The following ZNF385B variants were observed in gnomAD, a reference collection of about 807,000 sequenced individuals.
ZNF385B encodes the protein zinc finger protein 533.
In ZNF385B, 23 loss-of-function variants were observed where a neutral mutation model predicts 39.2. That is an observed-to-expected ratio of 0.59 (90% CI 0.42 to 0.83). The LOEUF is 0.83. Among genes scored for constraint, ZNF385B ranks in the 40% least tolerant of loss-of-function variants. The pLI is 0.00. For synonymous variants in ZNF385B, 205 were observed against 222.6 expected, an observed-to-expected ratio of 0.92 and a Z score of 0.70; for missense variants, 552 against 598.9, an observed-to-expected ratio of 0.92 and a Z score of 0.82.
chr2:179,832,412 T>C (rs1011737550), intron 1 of ZNF385B, among the ~76,000 whole-genome samples: 1 of 152,120 alleles, frequency 6.6e-6, no homozygotes, highest in Non-Finnish European at 1.5e-5. Flanking sequence ...ACTTCCAGGG[T>C]CAGTATTTGC....
intron 3 of ZNF385B, among the ~76,000 whole-genome samples, chr2:179,751,972 C>T (rs895115014): frequency 3.3e-5 from 5 of 152,168 alleles, no homozygotes; most frequent in Non-Finnish European, 7.3e-5. Context: ...TTCTAGGGCA[C>T]ATGTGCACAA....
At chr2:179,809,405 G>A (rs192808421) in intron 1 of ZNF385B, among the ~76,000 whole-genome samples, 17 of 152,042 alleles carry the variant, frequency 1.1e-4, no homozygotes, top group Admixed American at 2.0e-4. Flanking sequence ...TCATATTCAC[G>A]TGCAAACATA....
At chr2:179,613,410 G>A (rs928037317) in intron 3 of ZNF385B, among the ~76,000 whole-genome samples, 9 of 152,140 alleles carry the variant, frequency 5.9e-5, no homozygotes, top group Admixed American at 6.6e-5. Context: ...CAAGGCCCAC[G>A]GCAAGTACTA....
At chr2:179,631,815 A>G (rs905120087) in intron 3 of ZNF385B, among the ~76,000 whole-genome samples, 6 of 152,160 alleles carry the variant, frequency 3.9e-5, no homozygotes, top group African/African-American at 1.4e-4. Context: ...AAATAAAGGG[A>G]TGGAGGAAGA....
At chr2:179,798,135 T>A (rs1208970627) in intron 1 of ZNF385B, among the ~76,000 whole-genome samples, 5 of 152,092 alleles carry the variant, frequency 3.3e-5, no homozygotes, top group Admixed American at 6.6e-5. Flanking sequence ...TGTGTTTCGA[T>A]CTATTACTGA....
intron 3 of ZNF385B, among the ~76,000 whole-genome samples, chr2:179,751,334 G>A (rs568705301): frequency 6.6e-6 from 1 of 152,094 alleles, no homozygotes; most frequent in Non-Finnish European, 1.5e-5. Flanking sequence ...GAATATTGAT[G>A]TGGGCAAGGG....
At chr2:179,806,532 A>G (rs1366624562) in intron 1 of ZNF385B, among the ~76,000 whole-genome samples, 1 of 152,152 alleles carries the variant, frequency 6.6e-6, no homozygotes, top group Non-Finnish European at 1.5e-5. Context: ...TAACCTTTCA[A>G]TAACGTAACC....
At chr2:179,820,073 G>A (rs1012987447) in intron 1 of ZNF385B, among the ~76,000 whole-genome samples, 1 of 151,884 alleles carries the variant, frequency 6.6e-6, no homozygotes, top group Non-Finnish European at 1.5e-5. Context: ...GTGTGTATAT[G>A]TGTGTGTGTA....
At chr2:179,676,275 AG>A (rs1559074900) in intron 3 of ZNF385B, among the ~76,000 whole-genome samples, 1 of 151,620 alleles carries the variant, frequency 6.6e-6, no homozygotes, top group Admixed American at 6.6e-5. Context: ...TTTTTAGTAG[AG>A]ATGGGGTTTC....
intron 3 of ZNF385B, among the ~76,000 whole-genome samples, chr2:179,548,510 A>G (rs2105918635): frequency 6.7e-6 from 1 of 149,790 alleles, no homozygotes; most frequent in South Asian, 2.1e-4. Flanking sequence ...TATTTTTAGC[A>G]TATTAACAGA....
At chr2:179,613,965 G>A (rs1194713463) in intron 3 of ZNF385B, among the ~76,000 whole-genome samples, 1 of 152,028 alleles carries the variant, frequency 6.6e-6, no homozygotes, top group Non-Finnish European at 1.5e-5. Flanking sequence ...GCTGAGTTCT[G>A]CCTGGTGTTG....
intron 3 of ZNF385B, among the ~76,000 whole-genome samples, chr2:179,626,972 A>G: frequency 6.6e-6 from 1 of 152,182 alleles, no homozygotes; most frequent in East Asian, 1.9e-4. Flanking sequence ...AAGATTAGGA[A>G]AGTTATAATC....
chr2:179,731,876 C>G (rs768053215), intron 3 of ZNF385B, among the ~76,000 whole-genome samples: 1 of 152,202 alleles, frequency 6.6e-6, no homozygotes, highest in Non-Finnish European at 1.5e-5. Flanking sequence ...GCACACCAGG[C>G]CCTCTGCAAC....
chr2:179,816,919 A>C (rs963495695), intron 1 of ZNF385B, among the ~76,000 whole-genome samples: 3 of 152,154 alleles, frequency 2.0e-5, no homozygotes, highest in African/African-American at 7.2e-5. Flanking sequence ...CATTAGTAAC[A>C]AAATCCCAGA....
intron 3 of ZNF385B, among the ~76,000 whole-genome samples, chr2:179,694,515 C>A (rs1055527734): frequency 1.3e-5 from 2 of 152,066 alleles, no homozygotes; most frequent in African/African-American, 4.8e-5. Context: ...TTAATAGACA[C>A]CCTACTGAGC....
chr2:179,728,081 T>G (rs1204356781), intron 3 of ZNF385B, among the ~76,000 whole-genome samples: 1 of 152,092 alleles, frequency 6.6e-6, no homozygotes, highest in African/African-American at 2.4e-5. Flanking sequence ...TGCCTTTTTG[T>G]CAGATTTGAC....
chr2:179,535,597 A>G (rs1438883300), intron 4 of ZNF385B, among the ~76,000 whole-genome samples: 2 of 152,230 alleles, frequency 1.3e-5, no homozygotes, highest in Admixed American at 6.5e-5. Context: ...TAAAAGAATC[A>G]ATGTAAAACG....
At chr2:179,506,990 G>A (rs748761801) in intron 5 of ZNF385B, among the ~76,000 whole-genome samples, 17 of 151,908 alleles carry the variant, frequency 1.1e-4, no homozygotes, top group Non-Finnish European at 1.6e-4. Flanking sequence ...TATATTCTCC[G>A]GGGTCCTTGT....
chr2:179,850,287 C>T (rs1709013247), intron 1 of ZNF385B, among the ~76,000 whole-genome samples: 1 of 152,174 alleles, frequency 6.6e-6, no homozygotes, highest in African/African-American at 2.4e-5. Flanking sequence ...ATCAGCTCAG[C>T]TGAGCTTCCA....
Sources: gnomAD v4.1 joint callset for allele counts (sites outside exome capture counted in the v4.1 genomes callset) on GRCh38, gnomAD v4.1.1 for gene constraint, MANE v1.5 for transcripts, NCBI Gene and HGNC (gene_info 2026-07-23, HGNC 2026-07-21) for gene names.